LYZL4: variants seen among roughly 807,000 people sequenced by gnomAD.
LYZL4 encodes lysozyme-like protein 4.
Under a neutral mutation model 17.6 loss-of-function variants are expected in LYZL4, and 13 were observed. The observed-to-expected ratio is 0.74, with a 90% CI of 0.48 to 1.18. The LOEUF (loss-of-function observed/expected upper bound fraction) is 1.18. Ranked by LOEUF, LYZL4 falls within the 50% of genes most tolerant of loss-of-function variation. The pLI, the probability that LYZL4 is intolerant of heterozygous loss-of-function variation, is 0.00. For synonymous variants in LYZL4, 64 were observed against 67.7 expected (o/e 0.95, Z 0.27); for missense variants, 174 against 188.2 (o/e 0.92, Z 0.44).
the LYZL4 span, among the ~76,000 whole-genome samples, chr3:42,378,794 T>C: frequency 1.3e-5 from 2 of 152,212 alleles, no homozygotes; most frequent in Admixed American, 6.5e-5. Context: ...TGACCCACAC[T>C]AAATACTTTA....
downstream of LYZL4, chr3:42,396,996 G>A: frequency 3.5e-6 from 1 of 287,974 alleles, no homozygotes; most frequent in Admixed American, 4.6e-5. Context: ...TCCTCCATAT[G>A]AGATTAAATA....
the LYZL4 span, among the ~76,000 whole-genome samples, chr3:42,365,381 G>C: frequency 2.0e-5 from 3 of 152,178 alleles, no homozygotes; most frequent in African/African-American, 7.2e-5. Flanking sequence ...GCAATAATAA[G>C]AGTTTATTTC....
chr3:42,394,518 C>T (rs1182896765), downstream of LYZL4, among the ~76,000 whole-genome samples: 2 of 152,068 alleles, frequency 1.3e-5, no homozygotes, highest in African/African-American at 4.8e-5. Flanking sequence ...TTGGAAATAT[C>T]GTGTAAAGGT....
chr3:42,373,399 C>A, the LYZL4 span, among the ~76,000 whole-genome samples: 1 of 152,046 alleles, frequency 6.6e-6, no homozygotes, highest in Non-Finnish European at 1.5e-5. Context: ...AGCTTTCTCT[C>A]TATTGGGATG....
downstream of LYZL4, among the ~76,000 whole-genome samples, chr3:42,393,568 G>C (rs1277766702): frequency 1.3e-5 from 2 of 152,192 alleles, no homozygotes; most frequent in African/African-American, 4.8e-5. Context: ...GGAATTAACT[G>C]GCTCAATGAT....
the LYZL4 span, among the ~76,000 whole-genome samples, chr3:42,372,978 G>C: frequency 1.3e-5 from 2 of 152,060 alleles, no homozygotes; most frequent in East Asian, 3.9e-4. Context: ...AGGCTGAGGA[G>C]GGCAGATCCC....
At chr3:42,368,336 C>T in the LYZL4 span, among the ~76,000 whole-genome samples, 26,278 of 152,078 alleles carry the variant, frequency 0.17, 5,932 homozygotes, top group African/African-American at 0.52. Flanking sequence ...TTTGGTGGGG[C>T]GAGGATGTCG....
At chr3:42,390,273 C>A in the LYZL4 span, among the ~76,000 whole-genome samples, 1 of 152,164 alleles carries the variant, frequency 6.6e-6, no homozygotes, top group South Asian at 2.1e-4. Context: ...CCACAGCAGG[C>A]AAGGCTTTTA....
downstream of LYZL4, among the ~76,000 whole-genome samples, chr3:42,395,458 CTG>C (rs1698537479): frequency 6.6e-6 from 1 of 152,244 alleles, no homozygotes; most frequent in Admixed American, 6.5e-5. Flanking sequence ...AGATACAAAA[CTG>C]TATGTTTAGT....
At chr3:42,387,585 C>T in the LYZL4 span, among the ~76,000 whole-genome samples, 22 of 152,254 alleles carry the variant, frequency 1.4e-4, no homozygotes, top group African/African-American at 4.6e-4. Flanking sequence ...CCCTCATCGC[C>T]GTCCCTGCTC....
chr3:42,397,454 C>T (rs534601991), intron 4 of LYZL4, 120 bp from the exon 5 acceptor site: 2 of 666,738 alleles, frequency 3.0e-6, no homozygotes, highest in South Asian at 3.7e-5. Flanking sequence ...GAGTTTTCCA[C>T]CTCTGCCGTG....
the LYZL4 span, among the ~76,000 whole-genome samples, chr3:42,383,162 C>T: frequency 1.1e-4 from 16 of 152,090 alleles, no homozygotes; most frequent in African/African-American, 3.6e-4. Flanking sequence ...GAGTATTATA[C>T]TGAAAACAAG....
chr3:42,364,643 C>T, the LYZL4 span, among the ~76,000 whole-genome samples: 1 of 152,030 alleles, frequency 6.6e-6, no homozygotes, highest in Non-Finnish European at 1.5e-5. Context: ...CTGTGCTTGC[C>T]TCTTTTTCTT....
At chr3:42,408,912 G>C (rs145017020) in intron 1 of LYZL4, among the ~76,000 whole-genome samples, 101 of 152,252 alleles carry the variant, frequency 6.6e-4, no homozygotes, top group Middle Eastern at 3.4e-3. Context: ...GTTCCTATGG[G>C]ACAAAATTGC....
At chr3:42,374,574 G>T in the LYZL4 span, among the ~76,000 whole-genome samples, 1 of 151,964 alleles carries the variant, frequency 6.6e-6, no homozygotes, top group Non-Finnish European at 1.5e-5. Context: ...TTACGACTTG[G>T]GAGATTTAAT....
chr3:42,409,424 C>A (rs1698823369), intron 1 of LYZL4, among the ~76,000 whole-genome samples: 1 of 152,166 alleles, frequency 6.6e-6, no homozygotes, highest in Non-Finnish European at 1.5e-5. Context: ...AAGTGAATCT[C>A]AATGCATGTT....
the LYZL4 span, among the ~76,000 whole-genome samples, chr3:42,381,032 A>G: frequency 1.3e-4 from 20 of 152,380 alleles, no homozygotes; most frequent in African/African-American, 4.8e-4. Context: ...TGGTCCCAGA[A>G]AAGTGAAAAA....
the LYZL4 span, among the ~76,000 whole-genome samples, chr3:42,387,681 G>A: frequency 1.3e-5 from 2 of 152,114 alleles, no homozygotes; most frequent in Admixed American, 1.3e-4. Flanking sequence ...AAAGAGAAAG[G>A]AAGAGAAAAT....
At chr3:42,381,406 A>T in the LYZL4 span, among the ~76,000 whole-genome samples, 1 of 152,226 alleles carries the variant, frequency 6.6e-6, no homozygotes, top group Non-Finnish European at 1.5e-5. Flanking sequence ...AGATTATTTT[A>T]AAATTTCACT....
Sources: allele counts gnomAD v4.1 joint callset (sites outside exome capture counted in the v4.1 genomes callset), GRCh38; gene constraint gnomAD v4.1.1; transcripts MANE v1.5; gene names NCBI Gene and HGNC (gene_info 2026-07-23, HGNC 2026-07-21).